Variants in TXNL1 observed in about 807,000 individuals in gnomAD.
TXNL1 encodes thioredoxin like 1.
TXNL1 carries 14 observed loss-of-function variants against 35.5 expected under a neutral mutation model. The ratio of observed to expected loss-of-function variants is 0.39; its 90% CI spans 0.26 to 0.62. TXNL1 has a LOEUF of 0.62. TXNL1 is among the 20% of genes least tolerant of loss of function. TXNL1 has a pLI of 0.47. For synonymous variants in TXNL1, 110 were observed against 115.5 expected (o/e 0.95, Z 0.31); for missense variants, 263 against 349.7 (o/e 0.75, Z 1.98).
At chr18:56,615,552 T>C (rs1483716076) in intron 5 of TXNL1, among the ~76,000 whole-genome samples, 1 of 151,736 alleles carries the variant, frequency 6.6e-6, no homozygotes, top group Non-Finnish European at 1.5e-5. Flanking sequence ...CATGTATCGA[T>C]ATAAAAAAAT....
chr18:56,600,516 T>C lies in TXNL1; in HGVS notation c.*2511A>G, dbSNP rs959048859. The C allele has an allele frequency of 2.6e-5, 4 of 151,182 alleles. No homozygotes were observed. Among genetic ancestry groups the C allele is most frequent in the South Asian group, 4.2e-4 (2 of 4,786 alleles). The allele number at this position is 151,182 out of a possible 1,614,324, so 9.4% of individuals were successfully genotyped here. On this transcript the variant is annotated 3_prime_UTR_variant, in exon 8 of 8. Coordinates refer to ENST00000217515, the MANE Select transcript of TXNL1 (RefSeq NM_004786.3). ...TACGTGGCTGCCTCCAACAGAATAT[T>C]GAGACTGGGGAACAACGTGGGGCAG...
chr18:56,618,220 T>A, intron 3 of TXNL1, 94 bp from the exon 4 acceptor site: 2 of 1,320,214 alleles, frequency 1.5e-6, no homozygotes, highest in South Asian at 1.4e-5. Context: ...TAGGCAATTT[T>A]AAAGAAAACA....
In TXNL1 at chr18:56,618,815, A is replaced by G. The variant is rs149274075; in HGVS notation, c.370-689T>C. On this transcript the variant is annotated intron_variant, in intron 3 of 7. Coordinates refer to ENST00000217515, the MANE Select transcript of TXNL1 (RefSeq NM_004786.3). ...CAATCAATAATTCCTTAACACCATC[A>G]AATCAGTGGTCAAATTTCCTCCACT... Among the ~76,000 whole-genome samples the G allele has an allele frequency of 4.3e-3, 651 of 152,280 alleles. 3 individuals carry two copies. The highest frequency in any genetic ancestry group is 0.015 in the African/African-American group (610 of 41,548).
At chr18:56,633,506 T>C (rs2024408288) in intron 1 of TXNL1, among the ~76,000 whole-genome samples, 1 of 149,344 alleles carries the variant, frequency 6.7e-6, no homozygotes, top group Admixed American at 6.7e-5. Flanking sequence ...GTAGTTCCGA[T>C]TACTGCTGGG....
intron 3 of TXNL1, among the ~76,000 whole-genome samples, chr18:56,620,199 CA>C (rs2024158531): frequency 6.6e-6 from 1 of 152,150 alleles, no homozygotes; most frequent in Non-Finnish European, 1.5e-5. Flanking sequence ...CTCCTGGCCT[CA>C]AGTGATCTAC....
At chr18:56,623,321 G>A (rs1256259904) in intron 3 of TXNL1, among the ~76,000 whole-genome samples, 1 of 151,950 alleles carries the variant, frequency 6.6e-6, no homozygotes, top group Non-Finnish European at 1.5e-5. Context: ...CCAGCTACTG[G>A]GGAGGCTGAG....
At position 56,627,298 on chromosome 18, in the gene TXNL1, T is replaced by C. The variant is rs546348591; in HGVS notation, c.99-841A>G. ...GGAGGAATTTACTCTGCTTATGAAT[T>C]TGAAACTCAATATTGCCAAGATACC... On this transcript the variant is annotated intron_variant, in intron 1 of 7. Transcript: ENST00000217515. Among the ~76,000 whole-genome samples, 6 of 152,302 alleles carry C rather than the reference T, an allele frequency of 3.9e-5. No individual in the cohort carries two copies. The East Asian group carries it at 1.2e-3, about 29-fold the overall frequency.
intron 6 of TXNL1, 32 bp downstream of exon 6, chr18:56,614,392 T>G (rs1429647778): frequency 6.3e-7 from 1 of 1,586,176 alleles, no homozygotes; most frequent in East Asian, 2.2e-5. Context: ...CTCACAAACC[T>G]ATTAAATACA....
chr18:56,624,799 T>C (rs934814399), intron 2 of TXNL1, among the ~76,000 whole-genome samples: 2 of 152,084 alleles, frequency 1.3e-5, no homozygotes, highest in Non-Finnish European at 2.9e-5. Flanking sequence ...TCAAAAAGAA[T>C]AACCAAGAAG....
chr18:56,625,878 A>G (rs2024269312), intron 2 of TXNL1, among the ~76,000 whole-genome samples: 1 of 152,188 alleles, frequency 6.6e-6, no homozygotes, highest in Non-Finnish European at 1.5e-5. Context: ...TACCATTCCA[A>G]CTAAATAATC....
chr18:56,604,951 A>G (rs898205622), intron 7 of TXNL1, among the ~76,000 whole-genome samples: 7 of 152,176 alleles, frequency 4.6e-5, no homozygotes, highest in Admixed American at 3.3e-4. Flanking sequence ...GTTAAATCTA[A>G]AACATTTTAT....
intron 1 of TXNL1, among the ~76,000 whole-genome samples, chr18:56,632,100 T>A (rs1266762515): frequency 6.6e-6 from 1 of 152,142 alleles, no homozygotes; most frequent in Non-Finnish European, 1.5e-5. Context: ...CAAGATCAGC[T>A]TTCTTTGAAA....
chr18:56,634,154 G>C (rs555773859), intron 1 of TXNL1, among the ~76,000 whole-genome samples: 1 of 152,178 alleles, frequency 6.6e-6, no homozygotes, highest in African/African-American at 2.4e-5. Flanking sequence ...ACAATTTGGA[G>C]ACACTGTTTA....
At chr18:56,622,337 C>G (rs1381438490) in intron 3 of TXNL1, among the ~76,000 whole-genome samples, 1 of 151,924 alleles carries the variant, frequency 6.6e-6, no homozygotes, top group Non-Finnish European at 1.5e-5. Flanking sequence ...TGATTTGATC[C>G]TAAATGGTGG....
At chr18:56,632,790 T>C (rs929888104) in intron 1 of TXNL1, among the ~76,000 whole-genome samples, 5 of 152,194 alleles carry the variant, frequency 3.3e-5, no homozygotes, top group African/African-American at 1.2e-4. Flanking sequence ...TTTGTATATT[T>C]GCACTTCAAT....
chr18:56,616,148 A>G (rs2024083144), intron 5 of TXNL1, 97 bp downstream of exon 5: 2 of 1,120,434 alleles, frequency 1.8e-6, no homozygotes, highest in Admixed American at 5.3e-5. Context: ...AAAAAAAAAG[A>G]AAAAACAAGT....
intron 1 of TXNL1, among the ~76,000 whole-genome samples, chr18:56,636,579 T>G (rs2024458342): frequency 6.6e-6 from 1 of 152,074 alleles, no homozygotes; most frequent in Non-Finnish European, 1.5e-5. Context: ...AAAAAAAATT[T>G]TAATTCCACT....
chr18:56,607,536 C>T (rs1183693137), intron 7 of TXNL1, among the ~76,000 whole-genome samples: 5 of 152,010 alleles, frequency 3.3e-5, no homozygotes, highest in African/African-American at 9.7e-5. Context: ...AGATGCTCCT[C>T]GACTTCCGAT....
intron 3 of TXNL1, among the ~76,000 whole-genome samples, chr18:56,623,301 G>A (rs939580739): frequency 6.6e-6 from 1 of 152,052 alleles, no homozygotes; most frequent in Non-Finnish European, 1.5e-5. Flanking sequence ...GGTGGCAGGT[G>A]CCTGTAATCC....
Sources: allele counts gnomAD v4.1 joint callset (sites outside exome capture counted in the v4.1 genomes callset), GRCh38; gene constraint gnomAD v4.1.1; transcripts MANE v1.5; gene names NCBI Gene and HGNC (gene_info 2026-07-23, HGNC 2026-07-21).